FGF10: variants seen among roughly 807,000 people sequenced by gnomAD.
FGF10 encodes the protein fibroblast growth factor 10.
Under a neutral mutation model 19.8 loss-of-function variants are expected in FGF10, and 2 were observed. The observed-to-expected ratio is 0.10, with a 90% CI of 0.04 to 0.32. FGF10 has a LOEUF of 0.32. Ranked by LOEUF, FGF10 falls within the 10% of genes least tolerant of loss-of-function variation. The pLI, the probability that FGF10 is intolerant of heterozygous loss-of-function variation, is 1.00. For synonymous variants in FGF10, 112 were observed against 94.0 expected (o/e 1.19, Z -1.10); for missense variants, 191 against 246.3 (o/e 0.78, Z 1.50).
At position 44,312,314 on chromosome 5, in the gene FGF10, G is replaced by A. The variant is rs536074417; in HGVS notation, c.326-1784C>T. 7.2e-5 allele frequency among the ~76,000 whole-genome samples: 11 copies of A among 152,038 alleles called. No individual in the cohort carries two copies. In the East Asian group the frequency reaches 1.7e-3, roughly 24 times the overall value. ...AGTCTCGATTACAAATATAAAAACGGAAGATACTTAGGTTATTTAACTCAC... is the reference window on the plus strand; with the variant it reads ...AGTCTCGATTACAAATATAAAAACGAAAGATACTTAGGTTATTTAACTCAC... On this transcript the variant is annotated intron_variant, in intron 1 of 2. Coordinates refer to ENST00000264664, the MANE Select transcript of FGF10 (RefSeq NM_004465.2).
intron 1 of FGF10, among the ~76,000 whole-genome samples, chr5:44,378,592 C>T (rs550747424): frequency 3.3e-5 from 5 of 152,222 alleles, no homozygotes; most frequent in African/African-American, 7.2e-5. Context: ...CCACCGCGCC[C>T]GGCTAATTTT....
chr5:44,352,411 G>A (rs1308066630), intron 1 of FGF10, among the ~76,000 whole-genome samples: 1 of 151,540 alleles, frequency 6.6e-6, no homozygotes, highest in East Asian at 2.0e-4. Context: ...TACAAGCCTA[G>A]CTCTTACATT....
intron 1 of FGF10, among the ~76,000 whole-genome samples, chr5:44,331,750 A>G (rs955806873): frequency 1.3e-5 from 2 of 152,128 alleles, no homozygotes; most frequent in Non-Finnish European, 2.9e-5. Flanking sequence ...TGTGGGATTG[A>G]AAATTAAAAG....
chr5:44,315,494 G>A (rs935548445), intron 1 of FGF10, among the ~76,000 whole-genome samples: 2 of 152,118 alleles, frequency 1.3e-5, no homozygotes, highest in African/African-American at 4.8e-5. Context: ...GCTTCATTGA[G>A]TGGTAGTGGT....
chr5:44,352,351 T>C (rs1015748945), intron 1 of FGF10, among the ~76,000 whole-genome samples: 7 of 151,496 alleles, frequency 4.6e-5, no homozygotes, highest in African/African-American at 7.3e-5. Flanking sequence ...TTCATACCTC[T>C]AAAAGGGGAC....
chr5:44,318,471 A>T (rs766374537), intron 1 of FGF10, among the ~76,000 whole-genome samples: 1 of 152,064 alleles, frequency 6.6e-6, no homozygotes, highest in Admixed American at 6.6e-5. Flanking sequence ...GCCACATCCC[A>T]CTTTTGTCTC....
In FGF10 at chr5:44,304,776, T is replaced by A; in HGVS notation, c.*219A>T. ...TGGGAATAACTTCTATCCCATTCGA[T>A]CTGCCTATATCTTGATTATAAGACA... On this transcript the variant is annotated 3_prime_UTR_variant, in exon 3 of 3. Coordinates refer to ENST00000264664, the MANE Select transcript of FGF10 (RefSeq NM_004465.2). The A allele has an allele frequency of 1.8e-6, 1 of 541,810 alleles. No homozygotes were observed. The highest frequency in any genetic ancestry group is 3.3e-6 in the Non-Finnish European group (1 of 301,304). 33.6% of individuals were successfully genotyped at this position (541,810 alleles called of 1,614,324 possible).
rs774523215 is a variant in FGF10, at chr5:44,388,501, G to C, written c.182C>G (p.Ser61Cys). The C allele has an allele frequency of 2.0e-5, 32 of 1,614,036 alleles. No individual in the cohort carries two copies. The highest frequency in any genetic ancestry group is 2.5e-5 in the Non-Finnish European group (30 of 1,180,044). ...NSSSSSFSSP[S>C]SAGRHVRSYN... ...GCTCCGCACATGCCTTCCCGCGCTG[G>C]AAGGAGAGGAGAAGGAGGAGGAAGA... Residue 61 changes from serine to cysteine, a missense_variant, in exon 1 of 3, where the codon TCC becomes TGC. Physicochemically the swap from Ser to Cys is moderately radical, Grantham distance 112. This residue lies in a region of FGF10 where 92 missense variants were observed against 84.6 expected (regional missense o/e 1.09). Coordinates refer to ENST00000264664, the MANE Select transcript of FGF10 (RefSeq NM_004465.2).
At chr5:44,306,464 T>C (rs983993887) in intron 2 of FGF10, among the ~76,000 whole-genome samples, 13 of 152,252 alleles carry the variant, frequency 8.5e-5, no homozygotes, top group African/African-American at 2.4e-4. Flanking sequence ...CAAACTAAAG[T>C]AGTTAAGAAG....
intron 1 of FGF10, among the ~76,000 whole-genome samples, chr5:44,372,902 T>C (rs948109316): frequency 2.0e-5 from 3 of 152,212 alleles, no homozygotes; most frequent in Non-Finnish European, 4.4e-5. Context: ...TCAGGGCACA[T>C]GGCTAGAGTC....
intron 1 of FGF10, among the ~76,000 whole-genome samples, chr5:44,376,756 C>CT (rs1175402986): frequency 2.6e-5 from 4 of 151,572 alleles, no homozygotes; most frequent in East Asian, 3.9e-4. Context: ...AAAATTAGTT[C>CT]TTTTTTCTTT....
intron 1 of FGF10, among the ~76,000 whole-genome samples, chr5:44,362,525 A>G (rs1023555023): frequency 2.0e-5 from 3 of 151,606 alleles, no homozygotes; most frequent in African/African-American, 7.3e-5. Flanking sequence ...ATTTCCTCAT[A>G]TTTGACAACA....
At chr5:44,331,320 C>G (rs1740731811) in intron 1 of FGF10, among the ~76,000 whole-genome samples, 1 of 152,008 alleles carries the variant, frequency 6.6e-6, no homozygotes, top group African/African-American at 2.4e-5. Flanking sequence ...ACAATTCAGT[C>G]TCTTTCTTAG....
At chr5:44,374,303 C>A (rs187211465) in intron 1 of FGF10, among the ~76,000 whole-genome samples, 42 of 152,210 alleles carry the variant, frequency 2.8e-4, no homozygotes, top group Admixed American at 1.9e-3. Context: ...AAGGGCCTAC[C>A]TGGACAATGA....
intron 2 of FGF10, among the ~76,000 whole-genome samples, chr5:44,307,928 C>T (rs1486865007): frequency 6.6e-6 from 1 of 152,166 alleles, no homozygotes; most frequent in Non-Finnish European, 1.5e-5. Flanking sequence ...AAAGTATGTT[C>T]TGTAATTGGC....
intron 1 of FGF10, among the ~76,000 whole-genome samples, chr5:44,313,900 C>T (rs572273705): frequency 2.0e-5 from 3 of 152,128 alleles, no homozygotes; most frequent in South Asian, 4.2e-4. Flanking sequence ...TACGTAATGG[C>T]TTTTCTATTG....
intron 1 of FGF10, among the ~76,000 whole-genome samples, chr5:44,331,104 C>A (rs934124366): frequency 1.3e-5 from 2 of 152,012 alleles, no homozygotes; most frequent in African/African-American, 4.8e-5. Flanking sequence ...AAGTGCTTTT[C>A]TGTGGTTTGA....
In FGF10 at chr5:44,303,847, A is replaced by C. The variant is rs779745738; in HGVS notation, c.*1148T>G. 2 of 152,172 alleles carry C rather than the reference A, an allele frequency of 1.3e-5. No homozygotes were observed. Among genetic ancestry groups the C allele is most frequent in the African/African-American group, 2.4e-5 (1 of 41,454 alleles). 9.4% of individuals were successfully genotyped at this position (152,172 alleles called of 1,614,324 possible). A position where few individuals can be genotyped will look rare whatever the true frequency, so the allele number is the denominator to read the frequency against. Reference sequence around the variant, plus strand: ...TTGATAGTTCCTTTGGGAAAGATGCATTATGTGGAATTTACAGAGGGTTTT... The same window carrying C: ...TTGATAGTTCCTTTGGGAAAGATGCCTTATGTGGAATTTACAGAGGGTTTT... On this transcript the variant is annotated 3_prime_UTR_variant, in exon 3 of 3. Transcript: ENST00000264664.
chr5:44,338,243 T>C (rs1470672319), intron 1 of FGF10, among the ~76,000 whole-genome samples: 1 of 152,200 alleles, frequency 6.6e-6, no homozygotes, highest in African/African-American at 2.4e-5. Context: ...AGGAAGATAA[T>C]CTAAAATAAT....
Sources: gnomAD v4.1 joint callset for allele counts (sites outside exome capture counted in the v4.1 genomes callset) on GRCh38, gnomAD v4.1.1 for gene constraint, gnomAD v4.1.1 regional missense constraint, MANE v1.5 for transcripts, NCBI Gene and HGNC (gene_info 2026-07-23, HGNC 2026-07-21) for gene names.